Variants in FARS2 observed in about 807,000 individuals in gnomAD.
The protein encoded by FARS2 is phenylalanine--tRNA ligase, mitochondrial.
In FARS2, 40 loss-of-function variants were observed where a neutral mutation model predicts 46.4. The observed-to-expected ratio is 0.86, with a 90% CI of 0.67 to 1.12. FARS2 has a LOEUF of 1.12. Ranked by LOEUF, FARS2 falls within the 50% of genes most tolerant of loss-of-function variation. The pLI, the probability that FARS2 is intolerant of heterozygous loss-of-function variation, is 0.00. For synonymous variants in FARS2, 234 were observed against 214.9 expected (o/e 1.09, Z -0.78); for missense variants, 513 against 567.9 (o/e 0.90, Z 0.98).
intron 6 of FARS2, among the ~76,000 whole-genome samples, chr6:5,734,238 C>T (rs1469999298): frequency 6.6e-6 from 1 of 152,194 alleles, no homozygotes; most frequent in Non-Finnish European, 1.5e-5. Context: ...CCCCCGCAGA[C>T]CAGCACTGGG....
intron 2 of FARS2, among the ~76,000 whole-genome samples, chr6:5,386,289 G>A (rs1053234916): frequency 6.6e-5 from 10 of 152,196 alleles, no homozygotes; most frequent in African/African-American, 2.2e-4. Context: ...AATGTGTAGT[G>A]TGGAGCGTGG....
intron 1 of FARS2, among the ~76,000 whole-genome samples, chr6:5,289,490 G>A (rs1767354798): frequency 6.6e-6 from 1 of 152,210 alleles, no homozygotes; most frequent in South Asian, 2.1e-4. Flanking sequence ...CCTCTAGAGG[G>A]TTCCCACTGG....
At chr6:5,453,465 AGAAAACT>A (rs1764628604) in intron 4 of FARS2, among the ~76,000 whole-genome samples, 1 of 152,208 alleles carries the variant, frequency 6.6e-6, no homozygotes, top group South Asian at 2.1e-4. Flanking sequence ...TTCTTGACCG[AGAAAACT>A]GAGAAAAAAT....
intron 5 of FARS2, among the ~76,000 whole-genome samples, chr6:5,586,072 AT>A (rs1773598249): frequency 6.6e-6 from 1 of 152,112 alleles, no homozygotes; most frequent in African/African-American, 2.4e-5. Flanking sequence ...TGATTTTTGT[AT>A]CCTGCAACTA....
intron 6 of FARS2, among the ~76,000 whole-genome samples, chr6:5,769,881 T>A (rs1762946103): frequency 6.6e-6 from 1 of 152,070 alleles, no homozygotes; most frequent in African/African-American, 2.4e-5. Context: ...CAGCTTATCT[T>A]CCCTGAAAGT....
chr6:5,614,017 G>A (rs1775328895), intron 6 of FARS2, among the ~76,000 whole-genome samples: 1 of 152,066 alleles, frequency 6.6e-6, no homozygotes, highest in South Asian at 2.1e-4. Flanking sequence ...AGATGCAGAA[G>A]GCAGCCAAGA....
intron 1 of FARS2, among the ~76,000 whole-genome samples, chr6:5,284,853 C>T (rs1766997037): frequency 6.6e-6 from 1 of 152,204 alleles, no homozygotes; most frequent in African/African-American, 2.4e-5. Flanking sequence ...CGTGGCCTTT[C>T]GACTCCGGTG....
intron 6 of FARS2, among the ~76,000 whole-genome samples, chr6:5,633,878 A>G (rs780829784): frequency 2.6e-4 from 40 of 152,162 alleles, no homozygotes; most frequent in Middle Eastern, 3.2e-3. Context: ...CTTATCAATG[A>G]TTAGCTAATT....
chr6:5,318,130 G>A (rs1043255934), intron 1 of FARS2, among the ~76,000 whole-genome samples: 4 of 152,046 alleles, frequency 2.6e-5, no homozygotes, highest in Non-Finnish European at 5.9e-5. Context: ...GGAGGCCAAG[G>A]CGGGAGGATC....
chr6:5,304,742 T>C (rs915340191), intron 1 of FARS2, among the ~76,000 whole-genome samples: 6 of 152,224 alleles, frequency 3.9e-5, no homozygotes, highest in Non-Finnish European at 7.3e-5. Context: ...ATGTACTAGG[T>C]GTCTAAGGAT....
At chr6:5,723,118 T>C (rs1760017278) in intron 6 of FARS2, among the ~76,000 whole-genome samples, 3 of 151,750 alleles carry the variant, frequency 2.0e-5, no homozygotes, top group Admixed American at 6.6e-5. Context: ...GTTTTGTGGG[T>C]GTTTGTGATC....
chr6:5,422,816 G>A (rs1358474432), intron 3 of FARS2, among the ~76,000 whole-genome samples: 1 of 152,070 alleles, frequency 6.6e-6, no homozygotes, highest in Non-Finnish European at 1.5e-5. Context: ...TAAAAAGTGA[G>A]ATGTTTCAGA....
intron 4 of FARS2, among the ~76,000 whole-genome samples, chr6:5,463,254 T>A (rs1009577735): frequency 6.6e-6 from 1 of 152,248 alleles, no homozygotes; most frequent in African/African-American, 2.4e-5. Flanking sequence ...AAATTTCATT[T>A]TCAGATTGTT....
intron 3 of FARS2, among the ~76,000 whole-genome samples, chr6:5,415,314 T>C (rs77808459): frequency 1.6e-5 from 2 of 127,798 alleles, no homozygotes; most frequent in Admixed American, 7.9e-5. Flanking sequence ...TCTTTTCTTT[T>C]TTTTTTTTTT....
chr6:5,388,995 C>T (rs916364716), intron 2 of FARS2, among the ~76,000 whole-genome samples: 8 of 152,078 alleles, frequency 5.3e-5, no homozygotes, highest in Non-Finnish European at 8.8e-5. Context: ...TTCAGTTCTC[C>T]GTCATATCTG....
intron 5 of FARS2, among the ~76,000 whole-genome samples, chr6:5,610,474 A>T (rs749062762): frequency 6.6e-6 from 1 of 152,206 alleles, no homozygotes; most frequent in African/African-American, 2.4e-5. Context: ...CATAATAAAA[A>T]TTTTAAAATA....
At chr6:5,406,225 G>A (rs773189488) in intron 3 of FARS2, among the ~76,000 whole-genome samples, 13 of 152,002 alleles carry the variant, frequency 8.6e-5, no homozygotes, top group African/African-American at 1.2e-4. Flanking sequence ...GTGTTGTTGA[G>A]GTGTAATTAA....
At chr6:5,347,774 A>C (rs1176656692) in intron 1 of FARS2, among the ~76,000 whole-genome samples, 1 of 152,232 alleles carries the variant, frequency 6.6e-6, no homozygotes, top group Non-Finnish European at 1.5e-5. Context: ...CCAACAAATC[A>C]GAGTTCTGCG....
At position 5,471,766 on chromosome 6, in the gene FARS2, G is replaced by A. The variant is rs1212553671; in HGVS notation, c.904+40594G>A. ...ATCAGCTGGATGATTCCCCAAGGCA[G>A]GGTCTTGTCCCACCAGTGCACATGG... On this transcript the variant is annotated intron_variant, in intron 4 of 6. Coordinates refer to ENST00000274680, the MANE Select transcript of FARS2 (RefSeq NM_006567.5). The surrounding 1 kb of genome is among the most constrained non-coding windows in gnomAD (Gnocchi z 4.1). Among the ~76,000 whole-genome samples the A allele has an allele frequency of 1.3e-5, 2 of 152,208 alleles. No homozygotes were observed. Among genetic ancestry groups the A allele is most frequent in the African/African-American group, 2.4e-5 (1 of 41,434 alleles).
Sources: allele counts gnomAD v4.1 joint callset (sites outside exome capture counted in the v4.1 genomes callset), GRCh38; gene constraint gnomAD v4.1.1; non-coding constraint Gnocchi (gnomAD v3.1); transcripts MANE v1.5; gene names NCBI Gene and HGNC (gene_info 2026-07-23, HGNC 2026-07-21).